The following FRK variants were observed in gnomAD, a reference collection of about 807,000 sequenced individuals.
FRK encodes the protein tyrosine-protein kinase FRK.
FRK carries 51 observed loss-of-function variants against 56.4 expected under a neutral mutation model. That is an observed-to-expected ratio of 0.90 (90% CI 0.72 to 1.14). The LOEUF is 1.14. Among genes scored for constraint, FRK ranks in the 50% most tolerant of loss-of-function variants. The pLI is 0.00. For synonymous variants in FRK, 245 were observed against 217.9 expected, an observed-to-expected ratio of 1.12 and a Z score of -1.10; for missense variants, 570 against 601.4, an observed-to-expected ratio of 0.95 and a Z score of 0.55.
At position 116,026,878 on chromosome 6, in the gene FRK, T is replaced by A. The variant is rs956542144; in HGVS notation, c.345-22880A>T. Among the ~76,000 whole-genome samples, 15 of 152,018 alleles carry A rather than the reference T, an allele frequency of 9.9e-5. 1 individual carries two copies. Among genetic ancestry groups the A allele is most frequent in the Admixed American group, 6.6e-4 (10 of 15,260 alleles). ...TACCAAAACGGGGCAAACTGAATAG[T>A]GGAGAAAGATGTGTCAAAATTGGGC... On this transcript the variant is annotated intron_variant, in intron 1 of 7. Coordinates refer to ENST00000606080, the MANE Select transcript of FRK (RefSeq NM_002031.3).
intron 1 of FRK, among the ~76,000 whole-genome samples, chr6:116,022,761 G>A (rs1047127546): frequency 6.6e-6 from 1 of 152,100 alleles, no homozygotes; most frequent in African/African-American, 2.4e-5. Context: ...ATACACGGAT[G>A]CAGACAAAGT....
chr6:115,968,094 G>A (rs139999607), intron 3 of FRK, among the ~76,000 whole-genome samples: 1 of 151,818 alleles, frequency 6.6e-6, no homozygotes, highest in Admixed American at 6.6e-5. Flanking sequence ...TTTGGCTATA[G>A]TTTTATTATA....
At position 116,035,964 on chromosome 6, in the gene FRK, C is replaced by A. The variant is rs192494062; in HGVS notation, c.344+24004G>T. ...CTTTTCCTCCATCCTGTAATGCTAT[C>A]TATTTTCTTTCTCTTCATCTGGCTC... is the stretch of plus-strand genomic sequence containing the variant. On this transcript the variant is annotated intron_variant, in intron 1 of 7. Transcript: ENST00000606080. 1.6e-3 allele frequency among the ~76,000 whole-genome samples: 236 copies of A among 152,146 alleles called. 1 individual carries two copies. The highest frequency in any genetic ancestry group is 9.7e-4 in the Non-Finnish European group (66 of 67,930).
At position 116,060,232 on chromosome 6, in the gene FRK, G is replaced by A; in HGVS notation, c.80C>T (p.Thr27Ile). 6.2e-7 allele frequency: 1 copy of A among 1,614,154 alleles called. No homozygotes were observed. The highest frequency in any genetic ancestry group is 2.2e-5 in the East Asian group (1 of 44,872). The change falls in exon 1 of 8, where the codon ACC (threonine) becomes ATC (isoleucine). Residue 27 changes from threonine to isoleucine, a missense_variant. Thr to Ile is a moderately conservative substitution (Grantham distance 89). Coordinates refer to ENST00000606080, the MANE Select transcript of FRK (RefSeq NM_002031.3). The stretch of plus-strand genomic sequence containing the variant: ...AAGGGCCCCTGGATTTTCAATCACG[G>A]TTGACTTGTCTGCCTCCGTGGACAA... ...PCLSTEADKS[T>I]VIENPGALCS...
chr6:115,935,249 G>A lies in FRK; in HGVS notation c.*7165C>T, dbSNP rs1772023382. 1 of 152,408 alleles carries A rather than the reference G, an allele frequency of 6.6e-6. No individual in the cohort carries two copies. Among genetic ancestry groups the A allele is most frequent in the African/African-American group, 2.4e-5 (1 of 41,456 alleles). The allele number at this position is 152,408 out of a possible 1,614,324, so 9.4% of individuals were successfully genotyped here. On this transcript the variant is annotated 3_prime_UTR_variant, in exon 8 of 8. Transcript: ENST00000606080. ...TCACCCAGGAAGCACAAGGGGTCAG[G>A]GAACTACCTCCTCTACCCAAGGGAA... is the stretch of plus-strand genomic sequence containing the variant.
the FRK span, among the ~76,000 whole-genome samples, chr6:116,066,612 T>G: frequency 6.6e-6 from 1 of 152,190 alleles, no homozygotes; most frequent in African/African-American, 2.4e-5. Flanking sequence ...ATTCCTTATC[T>G]TCAGAAATAA....
the FRK span, among the ~76,000 whole-genome samples, chr6:116,095,428 T>G: frequency 0.039 from 5,866 of 152,310 alleles, 245 homozygotes; most frequent in Admixed American, 0.13. Context: ...GTTTTATTAA[T>G]AGCAAAGAAA....
intron 4 of FRK, among the ~76,000 whole-genome samples, chr6:115,967,304 G>A (rs1358965038): frequency 2.0e-5 from 3 of 152,146 alleles, no homozygotes; most frequent in Admixed American, 1.3e-4. Flanking sequence ...TCCTAATTCA[G>A]AGAAGAGATG....
the FRK span, among the ~76,000 whole-genome samples, chr6:116,099,394 C>T: frequency 1.3e-5 from 2 of 152,352 alleles, 1 homozygote; most frequent in South Asian, 4.2e-4. Context: ...TGGCATGCAC[C>T]TGGAAGTTTG....
intron 1 of FRK, among the ~76,000 whole-genome samples, chr6:116,009,476 G>A (rs917054501): frequency 5.9e-5 from 9 of 152,168 alleles, no homozygotes; most frequent in Non-Finnish European, 1.0e-4. Context: ...GTACAAGGCA[G>A]CTGAGAATGT....
chr6:116,043,245 A>C (rs993703901), intron 1 of FRK, among the ~76,000 whole-genome samples: 1 of 152,178 alleles, frequency 6.6e-6, no homozygotes, highest in African/African-American at 2.4e-5. Context: ...GACCTAATAA[A>C]CATCTACACA....
intron 2 of FRK, among the ~76,000 whole-genome samples, chr6:115,988,940 G>C (rs187655458): frequency 1.5e-4 from 23 of 151,968 alleles, no homozygotes; most frequent in Non-Finnish European, 2.7e-4. Flanking sequence ...CTTTCTGACT[G>C]ACTTTCATCA....
intron 5 of FRK, among the ~76,000 whole-genome samples, chr6:115,951,556 T>C (rs1193146343): frequency 2.0e-5 from 3 of 151,974 alleles, no homozygotes; most frequent in South Asian, 4.1e-4. Context: ...TTAATTACCC[T>C]CAATACTAAA....
intron 2 of FRK, 121 bp downstream of exon 2, chr6:116,003,756 G>T (rs1775147293): frequency 4.0e-6 from 4 of 990,128 alleles, no homozygotes; most frequent in East Asian, 5.0e-5. Flanking sequence ...TATTAATTTT[G>T]GTGCTACTGT....
intron 1 of FRK, among the ~76,000 whole-genome samples, chr6:116,052,532 C>T (rs1008948035): frequency 5.9e-5 from 9 of 152,064 alleles, no homozygotes; most frequent in Non-Finnish European, 1.3e-4. Flanking sequence ...TACCCACATC[C>T]ATAGTTTACA....
intron 1 of FRK, among the ~76,000 whole-genome samples, chr6:116,011,046 G>A (rs1465766720): frequency 1.3e-5 from 2 of 151,806 alleles, no homozygotes; most frequent in Non-Finnish European, 2.9e-5. Context: ...GCTGTCCTGT[G>A]ATTAACTGGA....
Position 115,938,913 on chromosome 6 carries a change from T to C in FRK, c.*3501A>G, listed in dbSNP as rs758778136. 4.6e-5 allele frequency: 7 copies of C among 152,104 alleles called. No homozygotes were observed. The highest frequency in any genetic ancestry group is 7.2e-5 in the African/African-American group (3 of 41,404). 9.4% of individuals were successfully genotyped at this position (152,104 alleles called of 1,614,324 possible). On this transcript the variant is annotated 3_prime_UTR_variant, in exon 8 of 8. Transcript: ENST00000606080. ...GAGGTACAAAGAGGTACAAAGCTAGTACTATTCTTTCTGAAACTATTCCAA... is the reference window on the plus strand; with the variant it reads ...GAGGTACAAAGAGGTACAAAGCTAGCACTATTCTTTCTGAAACTATTCCAA...
intron 1 of FRK, among the ~76,000 whole-genome samples, chr6:116,019,877 A>C (rs1037956593): frequency 2.0e-5 from 3 of 152,204 alleles, no homozygotes; most frequent in Non-Finnish European, 4.4e-5. Context: ...GTTCCTGTAG[A>C]ATAACAGAAT....
the FRK span, among the ~76,000 whole-genome samples, chr6:116,092,715 G>T: frequency 6.6e-6 from 1 of 152,230 alleles, no homozygotes; most frequent in African/African-American, 2.4e-5. Flanking sequence ...TTCTGCTGCT[G>T]CGTCGGTGAG....
Sources: gnomAD v4.1 joint callset for allele counts (sites outside exome capture counted in the v4.1 genomes callset) on GRCh38, gnomAD v4.1.1 for gene constraint, MANE v1.5 for transcripts, NCBI Gene and HGNC (gene_info 2026-07-23, HGNC 2026-07-21) for gene names.